ZNF440: variants seen among roughly 807,000 people sequenced by gnomAD.
ZNF440 encodes the protein zinc finger protein 440.
ZNF440 carries 47 observed loss-of-function variants against 49.7 expected under a neutral mutation model. That is an observed-to-expected ratio of 0.95 (90% CI 0.75 to 1.21). ZNF440 has a LOEUF of 1.21. Ranked by LOEUF, ZNF440 falls within the 50% of genes most tolerant of loss-of-function variation. ZNF440 has a pLI of 0.00. For missense variants in ZNF440, 703 were observed against 715.0 expected, an observed-to-expected ratio of 0.98 and a Z score of 0.19; for synonymous variants, 255 against 237.7, an observed-to-expected ratio of 1.07 and a Z score of -0.67.
chr19:11,832,865 A>G lies in ZNF440; in HGVS notation c.1689A>G (p.Gly563=). ...DLPHTFEYVV[G]HTMERSPMHV... is the part of the protein sequence containing the mutation. ...CCCACACCTTTGAATACGTGGTAGG[A>G]CACACAATGGAGAGAAGCCCTATGC... Residue 563 remains glycine, a synonymous_variant, in exon 4 of 4, where the codon GGA becomes GGG. Coordinates refer to ENST00000304060, the MANE Select transcript of ZNF440 (RefSeq NM_152357.3). 1 of 1,612,732 alleles carries G rather than the reference A, an allele frequency of 6.2e-7. No homozygotes were observed. Among genetic ancestry groups the G allele is most frequent in the Non-Finnish European group, 8.5e-7 (1 of 1,178,894 alleles).
At chr19:11,830,713 T>C in intron 3 of ZNF440, 36 bp downstream of exon 3, 1 of 1,593,084 alleles carries the variant, frequency 6.3e-7, no homozygotes, top group Non-Finnish European at 8.6e-7. Flanking sequence ...AGTGTCTCTC[T>C]AGACAATCTT....
At chr19:11,827,890 T>C (rs1228098318) in intron 1 of ZNF440, among the ~76,000 whole-genome samples, 1 of 152,058 alleles carries the variant, frequency 6.6e-6, no homozygotes, top group Non-Finnish European at 1.5e-5. Flanking sequence ...GCATTTTTAA[T>C]ACACGTCTTT....
intron 1 of ZNF440, among the ~76,000 whole-genome samples, chr19:11,826,662 C>CA (rs1975870397): frequency 7.0e-6 from 1 of 142,294 alleles, no homozygotes; most frequent in Non-Finnish European, 1.5e-5. Context: ...ATTTTTTTTC[C>CA]TTTTTTTTTT....
chr19:11,820,087 C>T (rs10405249), intron 1 of ZNF440, among the ~76,000 whole-genome samples: 2,214 of 152,264 alleles, frequency 0.015, 53 homozygotes, highest in African/African-American at 0.051. Flanking sequence ...GACATTTTCC[C>T]GAGAAAACCT....
At chr19:11,822,571 G>T (rs550676819) in intron 1 of ZNF440, among the ~76,000 whole-genome samples, 171 of 152,252 alleles carry the variant, frequency 1.1e-3, no homozygotes, top group Non-Finnish European at 2.1e-3. Context: ...GCCCAGACTG[G>T]GCACAGTGGC....
intron 1 of ZNF440, among the ~76,000 whole-genome samples, chr19:11,818,375 G>A (rs1049975790): frequency 4.6e-5 from 7 of 152,096 alleles, no homozygotes; most frequent in African/African-American, 1.4e-4. Flanking sequence ...CATGGGTTGC[G>A]ACTGGCAAGG....
chr19:11,820,440 G>A (rs915778316), intron 1 of ZNF440, among the ~76,000 whole-genome samples: 3 of 152,000 alleles, frequency 2.0e-5, no homozygotes, highest in South Asian at 4.2e-4. Flanking sequence ...GGATGTTCTC[G>A]ATCTCTTGAC....
intron 1 of ZNF440, among the ~76,000 whole-genome samples, chr19:11,826,085 A>G (rs986712371): frequency 1.3e-5 from 2 of 152,166 alleles, no homozygotes; most frequent in African/African-American, 4.8e-5. Context: ...TGCTGGGATT[A>G]CAGGCGTGAG....
intron 1 of ZNF440, 22 bp from the exon 2 acceptor site, chr19:11,830,260 TC>T (rs1975918257): frequency 6.2e-7 from 1 of 1,613,916 alleles, no homozygotes; most frequent in East Asian, 2.2e-5. Flanking sequence ...CCCATCTTCT[TC>T]TACACATGTG....
At position 11,833,004 on chromosome 19, in the gene ZNF440, G is replaced by A. The variant is rs146601063; in HGVS notation, c.*40G>A. On this transcript the variant is annotated 3_prime_UTR_variant, in exon 4 of 4. Transcript: ENST00000304060. ...AGACCTTATAAATGTAAGATATGTG[G>A]GAGGGGCTTTTATTCTGCCAAGTCA... The A allele has an allele frequency of 1.6e-5, 26 of 1,600,154 alleles. No homozygotes were observed. Among genetic ancestry groups the A allele is most frequent in the Non-Finnish European group, 2.1e-5 (25 of 1,177,106 alleles).
chr19:11,814,325 T>C lies in ZNF440; in HGVS notation c.-123T>C. On this transcript the variant is annotated 5_prime_UTR_variant, in exon 1 of 4. Coordinates refer to ENST00000304060, the MANE Select transcript of ZNF440 (RefSeq NM_152357.3). The stretch of plus-strand genomic sequence containing the variant: ...GCCGACAGCGGTCAGGATCTCGGCT[T>C]TCTTGCTTCGAGAGGGACTAGGTGC... 1 of 1,157,422 alleles carries C rather than the reference T, an allele frequency of 8.6e-7. No individual in the cohort carries two copies. 71.7% of individuals were successfully genotyped at this position (1,157,422 alleles called of 1,614,324 possible).
intron 1 of ZNF440, 170 bp from the exon 2 acceptor site, chr19:11,830,113 T>G: frequency 7.3e-7 from 1 of 1,374,388 alleles, no homozygotes; most frequent in African/African-American, 1.5e-5. Flanking sequence ...AAAAAACAAG[T>G]TGCTTTGTGG....
rs1400548181 is a variant in ZNF440, at chr19:11,832,853, A to G, written c.1677A>G (p.Glu559=). ...CTTCAGATCTGCCCCACACCTTTGAATACGTGGTAGGACACACAATGGAGA... is the reference window on the plus strand; with the variant it reads ...CTTCAGATCTGCCCCACACCTTTGAGTACGTGGTAGGACACACAATGGAGA... ...GKPSDLPHTF[E]YVVGHTMERS... Residue 559 remains glutamate, a synonymous_variant, in exon 4 of 4, where the codon GAA becomes GAG. Transcript: ENST00000304060. The G allele has an allele frequency of 1.9e-6, 3 of 1,612,298 alleles. No homozygotes were observed. The highest frequency in any genetic ancestry group is 2.7e-5 in the African/African-American group (2 of 74,858).
chr19:11,832,928 A>T lies in ZNF440; in HGVS notation c.1752A>T (p.Arg584Ser). 6.2e-7 allele frequency: 1 copy of T among 1,610,024 alleles called. No individual in the cohort carries two copies. The highest frequency in any genetic ancestry group is 1.1e-5 in the South Asian group (1 of 90,616). ...TGGGAAACCCTTCGGATCTGCCCAGAACCTTCGAATTCATGAAAGGACACA... is the reference window on the plus strand; with the variant it reads ...TGGGAAACCCTTCGGATCTGCCCAGTACCTTCGAATTCATGAAAGGACACA... ...RNVGNPSDLP[R>S]TFEFMKGHKH... is the part of the protein sequence containing the mutation. The change falls in exon 4 of 4, where the codon AGA becomes AGT. Residue 584 changes from arginine to serine, a missense_variant. By Grantham distance (110) the Arg-to-Ser change is moderately radical (BLOSUM62 -1). Coordinates refer to ENST00000304060, the MANE Select transcript of ZNF440 (RefSeq NM_152357.3).
chr19:11,828,303 C>CT (rs1259573715), intron 1 of ZNF440, among the ~76,000 whole-genome samples: 1 of 598 alleles, frequency 1.7e-3, no homozygotes, highest in African/African-American at 0.071. Context: ...AAATGATTCT[C>CT]CACGTCCCAG....
At chr19:11,828,008 T>C (rs1975887511) in intron 1 of ZNF440, among the ~76,000 whole-genome samples, 1 of 152,212 alleles carries the variant, frequency 6.6e-6, no homozygotes. Flanking sequence ...TATTAACTTA[T>C]TTATGCTGGA....
chr19:11,833,154 A>G lies in ZNF440; in HGVS notation c.*190A>G, dbSNP rs1424872571. ...AGGACTCACACTGGAGAGAACCCCT[A>G]TGAGTGTAAGCAATTTGGGAAAGCC... On this transcript the variant is annotated 3_prime_UTR_variant, in exon 4 of 4. Transcript: ENST00000304060. The G allele has an allele frequency of 3.7e-6, 5 of 1,343,648 alleles. No individual in the cohort carries two copies. The highest frequency in any genetic ancestry group is 2.0e-5 in the Admixed American group (1 of 50,828). The allele number at this position is 1,343,648 out of a possible 1,614,324, so 83.2% of individuals were successfully genotyped here. A position where few individuals can be genotyped will look rare whatever the true frequency, so the allele number is the denominator to read the frequency against.
At position 11,814,305 on chromosome 19, in the gene ZNF440, C is replaced by T. The variant is rs1975704070; in HGVS notation, c.-143C>T. 4 of 865,020 alleles carry T rather than the reference C, an allele frequency of 4.6e-6. No individual in the cohort carries two copies. Among genetic ancestry groups the T allele is most frequent in the Non-Finnish European group, 6.5e-6 (4 of 611,118 alleles). 53.6% of individuals were successfully genotyped at this position (865,020 alleles called of 1,614,324 possible). ...GTCCATTCCTTTAGTGCTGCGCCGA[C>T]AGCGGTCAGGATCTCGGCTTTCTTG... On this transcript the variant is annotated 5_prime_UTR_variant, in exon 1 of 4. Transcript: ENST00000304060.
chr19:11,829,735 A>G (rs1003476065), intron 1 of ZNF440, among the ~76,000 whole-genome samples: 1 of 152,066 alleles, frequency 6.6e-6, no homozygotes, highest in Non-Finnish European at 1.5e-5. Flanking sequence ...CAGGAGGCTG[A>G]GGCATGAGAA....
Sources: allele counts gnomAD v4.1 joint callset (sites outside exome capture counted in the v4.1 genomes callset), GRCh38; gene constraint gnomAD v4.1.1; transcripts MANE v1.5; gene names NCBI Gene and HGNC (gene_info 2026-07-23, HGNC 2026-07-21).